Variants in COL1A1 observed in about 807,000 individuals in gnomAD.
COL1A1 encodes collagen alpha-1(I) chain.
COL1A1 carries 21 observed loss-of-function variants against 195.7 expected under a neutral mutation model. The observed-to-expected ratio is 0.11, with a 90% CI of 0.08 to 0.15. The LOEUF (loss-of-function observed/expected upper bound fraction) is 0.15, where lower values mean the gene tolerates loss of function less well. Ranked by LOEUF, COL1A1 falls within the 10% of genes least tolerant of loss-of-function variation. The probability of loss-of-function intolerance (pLI) is 1.00; values close to 1 mark genes in which losing one functional copy is unlikely to be tolerated. For synonymous variants in COL1A1, 749 were observed against 747.3 expected (o/e 1.00, Z -0.04); for missense variants, 1,365 against 2,051.0 (o/e 0.67, Z 6.46).
Position 50,186,128 on chromosome 17 carries a change from A to G in COL1A1, c.4006-108T>C, listed in dbSNP as rs1023431036. On this transcript the variant is annotated intron_variant, in intron 49 of 50. Coordinates refer to ENST00000225964, the MANE Select transcript of COL1A1 (RefSeq NM_000088.4). The surrounding 1 kb of genome is among the most constrained non-coding windows in gnomAD (Gnocchi z 5.3). ...AGAGAGCTGCCCAATGCACCGTTAT[A>G]TCGAGAGGAGGCACCACCTGCCCAT... 4.5e-6 allele frequency: 7 copies of G among 1,556,858 alleles called. No individual in the cohort carries two copies. The African/African-American group carries it at 9.5e-5, about 21-fold the overall frequency.
At chr17:50,200,212 T>G in intron 1 of COL1A1, 1 of 467,818 alleles carries the variant, frequency 2.1e-6, no homozygotes, top group Non-Finnish European at 3.9e-6. Context: ...AACTCCAACC[T>G]CAGCCCATTG....
At position 50,186,712 on chromosome 17, in the gene COL1A1, G is replaced by A. The variant is rs1381339817; in HGVS notation, c.3742C>T (p.Pro1248Ser). 1 of 1,613,682 alleles carries A rather than the reference G, an allele frequency of 6.2e-7. No homozygotes were observed. The highest frequency in any genetic ancestry group is 2.2e-5 in the East Asian group (1 of 44,862). ...GCGGGGTTCTTGCGGCTGCCCTCTG[G>A]GCTCCGGATGTTCTCGATCTGCTGG... Reference protein sequence around the residue: ...LSQQIENIRSPEGSRKNPART... With the variant: ...LSQQIENIRSSEGSRKNPART... Residue 1248 changes from proline (P) to serine (S), a missense_variant, in exon 48 of 51, where the codon CCA becomes TCA. By Grantham distance (74) the Pro-to-Ser change is moderately conservative. This residue lies in a region of COL1A1 where 273 missense variants were observed against 338.6 expected (regional missense o/e 0.81). Transcript: ENST00000225964. The surrounding 1 kb of genome is among the most constrained non-coding windows in gnomAD (Gnocchi z 5.3).
In COL1A1 at chr17:50,195,209, A is replaced by G. The variant is rs1184480730; in HGVS notation, c.1299+23T>C. On this transcript the variant is annotated intron_variant, in intron 19 of 50. Coordinates refer to ENST00000225964, the MANE Select transcript of COL1A1 (RefSeq NM_000088.4). The surrounding 1 kb of genome is among the most constrained non-coding windows in gnomAD (Gnocchi z 4.3). ...ACTGGAGCCAGTGCATGGGGTGGGC[A>G]GAAGGGAGAGTTTGGTACTCACGCT... 3 of 1,610,692 alleles carry G rather than the reference A, an allele frequency of 1.9e-6. No individual in the cohort carries two copies. The highest frequency in any genetic ancestry group is 2.5e-6 in the Non-Finnish European group (3 of 1,177,602).
Position 50,186,929 on chromosome 17 carries a change from A to C in COL1A1, c.3532-7T>G. The C allele has an allele frequency of 6.2e-7, 1 of 1,613,372 alleles. No homozygotes were observed. The highest frequency in any genetic ancestry group is 8.5e-7 in the Non-Finnish European group (1 of 1,179,728). ...CAGGAGGGCCGGGGGGACCCTGCAC[A>C]GAGAGGGAAGAGAGTGGGGATTACC... On this transcript the variant is annotated splice_region_variant and splice_polypyrimidine_tract_variant and intron_variant, in intron 47 of 50. Coordinates refer to ENST00000225964, the MANE Select transcript of COL1A1 (RefSeq NM_000088.4). This position sits in a 1 kb window ranked among gnomAD's most constrained non-coding sequence, Gnocchi z 5.3.
chr17:50,193,966 A>C lies in COL1A1; in HGVS notation c.1744T>G (p.Phe582Val). Residue 582 changes from phenylalanine (F) to valine (V), a missense_variant, in exon 25 of 51, where the codon TTC becomes GTC. Physicochemically the swap from Phe to Val is conservative, Grantham distance 50. Transcript: ENST00000225964. ...GARGQAGVMG[F>V]PGPKGAAGEP... Reference sequence around the variant, plus strand: ...ACAGCAGCACCTTTAGGTCCAGGGAATCCCATCACACCAGCCTGACCACGG... The same window carrying C: ...ACAGCAGCACCTTTAGGTCCAGGGACTCCCATCACACCAGCCTGACCACGG... 1 of 1,614,082 alleles carries C rather than the reference A, an allele frequency of 6.2e-7. No homozygotes were observed.
In COL1A1 at chr17:50,192,039, G is replaced by A. The variant is rs761373863; in HGVS notation, c.1984-15C>T. The stretch of plus-strand genomic sequence containing the variant: ...CCAGGAACACCCTGAGGGGGAGGGA[G>A]AGAGGAACAGACAGTGAGCAAAACC... On this transcript the variant is annotated splice_polypyrimidine_tract_variant and intron_variant, in intron 29 of 50. Coordinates refer to ENST00000225964, the MANE Select transcript of COL1A1 (RefSeq NM_000088.4). 1 of 1,610,840 alleles carries A rather than the reference G, an allele frequency of 6.2e-7. No individual in the cohort carries two copies. The highest frequency in any genetic ancestry group is 1.1e-5 in the South Asian group (1 of 90,180).
Position 50,190,607 on chromosome 17 carries a change from G to A in COL1A1, c.2344-11C>T, listed in dbSNP as rs1352672171. On this transcript the variant is annotated splice_polypyrimidine_tract_variant and intron_variant, in intron 33 of 50. Coordinates refer to ENST00000225964, the MANE Select transcript of COL1A1 (RefSeq NM_000088.4). This position sits in a 1 kb window ranked among gnomAD's most constrained non-coding sequence, Gnocchi z 4.7. ...GGGACCACTTTCACCCTGAGAGCAA[G>A]GGACAAGAGGCTCAGGGTCAGGGCC... The A allele has an allele frequency of 3.1e-6, 5 of 1,612,836 alleles. No individual in the cohort carries two copies. The highest frequency in any genetic ancestry group is 1.7e-5 in the Admixed American group (1 of 59,894).
intron 10 of COL1A1, 28 bp from the exon 11 acceptor site, chr17:50,197,091 G>T: frequency 6.2e-7 from 1 of 1,614,184 alleles, no homozygotes. Flanking sequence ...AGACAAGGAA[G>T]GGCCATTAGA....
rs1433206344 is a variant in COL1A1 at position 50,187,999 on chromosome 17, G to A, written c.3262-16C>T. 1.2e-6 allele frequency: 2 copies of A among 1,614,060 alleles called. No homozygotes were observed. Among genetic ancestry groups the A allele is most frequent in the Middle Eastern group, 1.7e-4 (1 of 6,060 alleles). On this transcript the variant is annotated splice_polypyrimidine_tract_variant and intron_variant, in intron 44 of 50. Transcript: ENST00000225964. Reference sequence around the variant, plus strand: ...CTTGGGGTCCCTAGAAGAGAGAAAGGGACAAACTGTCAGGCGGAAGTTCCA... The same window carrying A: ...CTTGGGGTCCCTAGAAGAGAGAAAGAGACAAACTGTCAGGCGGAAGTTCCA...
At position 50,190,684 on chromosome 17, in the gene COL1A1, G is replaced by C. The variant is rs1264391371; in HGVS notation, c.2344-88C>G. On this transcript the variant is annotated intron_variant, in intron 33 of 50. Coordinates refer to ENST00000225964, the MANE Select transcript of COL1A1 (RefSeq NM_000088.4). This position sits in a 1 kb window ranked among gnomAD's most constrained non-coding sequence, Gnocchi z 4.7. ...CCCAGGAGAGCCTCCCCTCCTTCTGGTCCCTCCAGGTTCCCAGGTTGACAG... is the reference window on the plus strand; with the variant it reads ...CCCAGGAGAGCCTCCCCTCCTTCTGCTCCCTCCAGGTTCCCAGGTTGACAG... 5.9e-6 allele frequency: 9 copies of C among 1,526,626 alleles called. No individual in the cohort carries two copies. Among genetic ancestry groups the C allele is most frequent in the Non-Finnish European group, 8.1e-6 (9 of 1,107,152 alleles). 94.6% of individuals were successfully genotyped at this position (1,526,626 alleles called of 1,614,324 possible). A position where few individuals can be genotyped will look rare whatever the true frequency, so the allele number is the denominator to read the frequency against.
intron 29 of COL1A1, 79 bp from the exon 30 acceptor site, chr17:50,192,103 C>T: frequency 6.7e-7 from 1 of 1,488,488 alleles, no homozygotes. Context: ...GGTCCTTCCT[C>T]CTGGGGTCTG....
At position 50,184,552 on chromosome 17, in the gene COL1A1, G is replaced by A. The variant is rs367793861; in HGVS notation, c.*950C>T. ...ACAAAAAGGAACATTTGCTGGCCTGGGGGGGCATCTCAATTTCTATAGCAC... is the reference window on the plus strand; with the variant it reads ...ACAAAAAGGAACATTTGCTGGCCTGAGGGGGCATCTCAATTTCTATAGCAC... On this transcript the variant is annotated 3_prime_UTR_variant, in exon 51 of 51. Coordinates refer to ENST00000225964, the MANE Select transcript of COL1A1 (RefSeq NM_000088.4). 18 of 231,888 alleles carry A rather than the reference G, an allele frequency of 7.8e-5. No homozygotes were observed. The highest frequency in any genetic ancestry group is 4.0e-4 in the African/African-American group (18 of 45,258). 14.4% of individuals were successfully genotyped at this position (231,888 alleles called of 1,614,324 possible).
chr17:50,198,156 C>T lies in COL1A1; in HGVS notation c.588+5G>A. 1 of 1,614,088 alleles carries T rather than the reference C, an allele frequency of 6.2e-7. No individual in the cohort carries two copies. The highest frequency in any genetic ancestry group is 8.5e-7 in the Non-Finnish European group (1 of 1,179,976). ...GAGGCATATGAAGACGTCCTGGATA[C>T]TCACAGGTGCACCAGGGGGGCCAGG... On this transcript the variant is annotated splice_donor_5th_base_variant and intron_variant, in intron 7 of 50. Transcript: ENST00000225964.
chr17:50,197,561 G>T (rs141888902), intron 9 of COL1A1, among the ~76,000 whole-genome samples, 171 bp downstream of exon 9: 22 of 152,314 alleles, frequency 1.4e-4, no homozygotes, highest in Non-Finnish European at 1.2e-4. Context: ...TGGGGACATG[G>T]AATCATCTCA....
At position 50,201,209 on chromosome 17, in the gene COL1A1, C is replaced by T. The variant is rs374625618; in HGVS notation, c.103+202G>A. Among the ~76,000 whole-genome samples the T allele has an allele frequency of 3.1e-3, 466 of 152,330 alleles. 2 individuals are homozygous for T. Among genetic ancestry groups the T allele is most frequent in the African/African-American group, 0.011 (438 of 41,584 alleles). On this transcript the variant is annotated intron_variant, in intron 1 of 50. Coordinates refer to ENST00000225964, the MANE Select transcript of COL1A1 (RefSeq NM_000088.4). ...CACGCCGCGCTCCACCCTCACCTCC[C>T]GCTCCCGGGGCGCGTTCAACCCCAA...
At position 50,188,126 on chromosome 17, in the gene COL1A1, A is replaced by G. The variant is rs1373720952; in HGVS notation, c.3231T>C (p.Pro1077=). ...GETGPAGPAG[P]VGPVGARGPA... is the part of the protein sequence containing the mutation. ...GGCCACGGGCGCCAACAGGGCCGAC[A>G]GGACCGGCGGGACCAGCAGGACCCT... The change falls in exon 44 of 51, where the codon CCT becomes CCC. Residue 1077 remains proline (P), a synonymous_variant. Transcript: ENST00000225964. This position sits in a 1 kb window ranked among gnomAD's most constrained non-coding sequence, Gnocchi z 5.6. 1 of 1,574,398 alleles carries G rather than the reference A, an allele frequency of 6.4e-7. No homozygotes were observed. Among genetic ancestry groups the G allele is most frequent in the Non-Finnish European group, 8.6e-7 (1 of 1,158,562 alleles).
Position 50,197,399 on chromosome 17 carries a change from T to G in COL1A1, c.697-166A>C, listed in dbSNP as rs16948765. On this transcript the variant is annotated intron_variant, in intron 9 of 50. Coordinates refer to ENST00000225964, the MANE Select transcript of COL1A1 (RefSeq NM_000088.4). ...CTCAGTTTAAATCTACAGTGAAACC[T>G]TCGTTTGGTGAAATCTGAGTGCCTC... Among the ~76,000 whole-genome samples the G allele has an allele frequency of 0.025, 3,754 of 152,328 alleles. 136 individuals carry two copies. Among genetic ancestry groups the G allele is most frequent in the African/African-American group, 0.085 (3,531 of 41,554 alleles).
chr17:50,188,447 C>A lies in COL1A1; in HGVS notation c.3207+83G>T. On this transcript the variant is annotated intron_variant, in intron 43 of 50. Transcript: ENST00000225964. The surrounding 1 kb of genome is among the most constrained non-coding windows in gnomAD (Gnocchi z 5.6). Reference sequence around the variant, plus strand: ...TTCCTCCCCCTGCCTGGGTGAAGTCCGACACCCATCCCCAGGCCTCTAAGG... The same window carrying A: ...TTCCTCCCCCTGCCTGGGTGAAGTCAGACACCCATCCCCAGGCCTCTAAGG... 9 of 1,354,728 alleles carry A rather than the reference C, an allele frequency of 6.6e-6. No homozygotes were observed. Among genetic ancestry groups the A allele is most frequent in the Non-Finnish European group, 9.5e-6 (9 of 947,238 alleles). The allele number at this position is 1,354,728 out of a possible 1,614,324, so 83.9% of individuals were successfully genotyped here. A position where few individuals can be genotyped will look rare whatever the true frequency, so the allele number is the denominator to read the frequency against.
At chr17:50,193,130 A>G in intron 25 of COL1A1, 83 bp from the exon 26 acceptor site, 10 of 1,379,806 alleles carry the variant, frequency 7.2e-6, no homozygotes, top group Non-Finnish European at 1.0e-5. Flanking sequence ...TCTGAGTGGG[A>G]CTTTTTAAGG....
Sources: allele counts gnomAD v4.1 joint callset (sites outside exome capture counted in the v4.1 genomes callset), GRCh38; gene constraint gnomAD v4.1.1; regional missense constraint gnomAD v4.1.1; non-coding constraint Gnocchi (gnomAD v3.1); transcripts MANE v1.5; gene names NCBI Gene and HGNC (gene_info 2026-07-23, HGNC 2026-07-21).